The following STK3 variants were observed in gnomAD, a reference collection of about 807,000 sequenced individuals.
STK3 encodes serine/threonine-protein kinase 3.
STK3 carries 41 observed loss-of-function variants against 58.0 expected under a neutral mutation model. The ratio of observed to expected loss-of-function variants is 0.71; its 90% confidence interval spans 0.55 to 0.92. The LOEUF is 0.92. Ranked by LOEUF, STK3 falls within the 40% of genes least tolerant of loss-of-function variation. STK3 has a pLI of 0.00. For missense variants in STK3, 479 were observed against 602.7 expected (o/e 0.79, Z 2.15); for synonymous variants, 170 against 191.0 (o/e 0.89, Z 0.91).
intron 10 of STK3, among the ~76,000 whole-genome samples, chr8:98,517,228 A>C (rs1386415310): frequency 6.6e-6 from 1 of 152,076 alleles, no homozygotes; most frequent in African/African-American, 2.4e-5. Flanking sequence ...AAGGTGTTTC[A>C]ACAACTGATG....
At chr8:98,566,634 A>C (rs1812505646) in intron 8 of STK3, among the ~76,000 whole-genome samples, 1 of 152,130 alleles carries the variant, frequency 6.6e-6, no homozygotes, top group African/African-American at 2.4e-5. Context: ...TCCAATGCTA[A>C]ACTTGCTCTG....
chr8:98,822,854 C>T (rs566442401), intron 1 of STK3, among the ~76,000 whole-genome samples: 12 of 152,324 alleles, frequency 7.9e-5, no homozygotes, highest in African/African-American at 2.6e-4. Context: ...CATGGCGAAA[C>T]GTTGTCTCTA....
intron 3 of STK3, among the ~76,000 whole-genome samples, chr8:98,417,237 G>A (rs982942052): frequency 8.5e-5 from 13 of 152,172 alleles, no homozygotes; most frequent in African/African-American, 9.7e-5. Context: ...AGTTTTGGCC[G>A]GGTGCGGTGG....
chr8:98,761,150 G>T (rs1389187562), intron 3 of STK3, among the ~76,000 whole-genome samples: 4 of 149,586 alleles, frequency 2.7e-5, no homozygotes, highest in Non-Finnish European at 4.4e-5. Context: ...TTGAGACAGG[G>T]TCTGGCTCTA....
chr8:98,407,243 T>C (rs1818002677), intron 3 of STK3, among the ~76,000 whole-genome samples: 2 of 152,236 alleles, frequency 1.3e-5, no homozygotes, highest in South Asian at 4.1e-4. Context: ...GTTGTCGCCC[T>C]GGAGTCCAGC....
At chr8:98,358,967 C>T in the STK3 span, among the ~76,000 whole-genome samples, 1 of 152,126 alleles carries the variant, frequency 6.6e-6, no homozygotes, top group African/African-American at 2.4e-5. Flanking sequence ...AATCCAAGCC[C>T]TGTCCAGAGA....
intron 3 of STK3, among the ~76,000 whole-genome samples, chr8:98,406,456 C>G (rs1035750233): frequency 2.6e-5 from 4 of 152,004 alleles, no homozygotes; most frequent in African/African-American, 9.7e-5. Context: ...CCCAACCTCC[C>G]CCCTCTAGGG....
intron 3 of STK3, among the ~76,000 whole-genome samples, chr8:98,761,891 T>C (rs1276920899): frequency 6.6e-6 from 1 of 152,162 alleles, no homozygotes; most frequent in Non-Finnish European, 1.5e-5. Context: ...TCTAGAAACA[T>C]GAGGAAATAG....
At chr8:98,414,743 G>A (rs888922238) in intron 3 of STK3, among the ~76,000 whole-genome samples, 27 of 152,206 alleles carry the variant, frequency 1.8e-4, no homozygotes, top group Non-Finnish European at 3.4e-4. Flanking sequence ...CAAATGACAT[G>A]CCAGTGGGTA....
chr8:98,864,672 T>C (rs1266123492), intron 3 of STK3, among the ~76,000 whole-genome samples: 1 of 152,200 alleles, frequency 6.6e-6, no homozygotes, highest in Admixed American at 6.5e-5. Context: ...GGCAAACTTT[T>C]TGAGATTTAA....
intron 3 of STK3, among the ~76,000 whole-genome samples, chr8:98,404,726 C>T (rs533977037): frequency 1.1e-3 from 163 of 150,716 alleles, no homozygotes; most frequent in African/African-American, 3.4e-3. Flanking sequence ...TGGTGCATGC[C>T]TGTAGTCCCA....
intron 6 of STK3, among the ~76,000 whole-genome samples, chr8:98,628,965 T>C (rs373070531): frequency 1.2e-3 from 181 of 152,194 alleles, no homozygotes; most frequent in African/African-American, 4.1e-3. Flanking sequence ...TAGGGGGATG[T>C]TGAGAGAAGC....
intron 3 of STK3, among the ~76,000 whole-genome samples, chr8:98,406,350 G>A (rs929851726): frequency 3.3e-5 from 5 of 151,602 alleles, no homozygotes; most frequent in Admixed American, 6.6e-5. Flanking sequence ...TGTGTTACAC[G>A]GGTAAATTGT....
intron 2 of STK3, among the ~76,000 whole-genome samples, chr8:98,772,835 A>T (rs933285292): frequency 6.6e-6 from 1 of 152,146 alleles, no homozygotes; most frequent in Non-Finnish European, 1.5e-5. Context: ...CCCTCACCAG[A>T]AGCGGATGCC....
chr8:98,926,171 C>T (rs554125744), intron 1 of STK3, among the ~76,000 whole-genome samples: 4 of 152,116 alleles, frequency 2.6e-5, no homozygotes, highest in Non-Finnish European at 5.9e-5. Context: ...CTTCAAATTG[C>T]GCCTGACCAT....
At chr8:98,676,699 T>A (rs1765348781) in intron 6 of STK3, among the ~76,000 whole-genome samples, 1 of 152,130 alleles carries the variant, frequency 6.6e-6, no homozygotes, top group Non-Finnish European at 1.5e-5. Context: ...GTTCTGTGTA[T>A]GGATGGTAGT....
chr8:98,753,343 C>T (rs1830095550), intron 3 of STK3, among the ~76,000 whole-genome samples: 1 of 152,116 alleles, frequency 6.6e-6, no homozygotes, highest in Non-Finnish European at 1.5e-5. Context: ...GAGCTGGAGG[C>T]TATTGTCCTT....
At chr8:98,760,116 G>T (rs181287640) in intron 3 of STK3, among the ~76,000 whole-genome samples, 5 of 151,966 alleles carry the variant, frequency 3.3e-5, no homozygotes, top group Admixed American at 3.3e-4. Flanking sequence ...AGGATACAGA[G>T]GGCTAACTGT....
At position 98,475,942 on chromosome 8, in the gene STK3, T is replaced by A. The variant is rs557304403; in HGVS notation, c.1318-19942A>T. ...TATTTGACAGTTTGTCATAATCAAA[T>A]ACGGTAAGCAGAGTATCACGATGTT... is the stretch of plus-strand genomic sequence containing the variant. On this transcript the variant is annotated intron_variant, in intron 10 of 10. Coordinates refer to ENST00000419617, the MANE Select transcript of STK3 (RefSeq NM_006281.4). 2.6e-5 allele frequency among the ~76,000 whole-genome samples: 4 copies of A among 152,320 alleles called. No individual in the cohort carries two copies. The South Asian group carries it at 6.2e-4, about 24-fold the overall frequency.
Sources: allele counts gnomAD v4.1 joint callset (sites outside exome capture counted in the v4.1 genomes callset), GRCh38; gene constraint gnomAD v4.1.1; transcripts MANE v1.5; gene names NCBI Gene and HGNC (gene_info 2026-07-23, HGNC 2026-07-21).